KCNN2: variants seen among roughly 807,000 people sequenced by gnomAD.
KCNN2 encodes potassium calcium-activated channel subfamily N member 2, also known as small conductance calcium-activated potassium channel protein 2.
Under a neutral mutation model 55.5 loss-of-function variants are expected in KCNN2, and 24 were observed. The observed-to-expected ratio is 0.43, with a 90% CI of 0.31 to 0.61. The LOEUF (loss-of-function observed/expected upper bound fraction) is 0.61, where lower values mean the gene tolerates loss of function less well. KCNN2 is among the 20% of genes least tolerant of loss of function. The pLI is 0.08. For missense variants in KCNN2, 754 were observed against 853.6 expected (o/e 0.88, Z 1.45); for synonymous variants, 431 against 336.1 (o/e 1.28, Z -3.09).
chr5:114,322,817 T>C (rs1309651978), intron 2 of KCNN2, among the ~76,000 whole-genome samples: 2 of 152,216 alleles, frequency 1.3e-5, no homozygotes, highest in Non-Finnish European at 2.9e-5. Context: ...CTTTTTTAAC[T>C]TTTATTATAG....
chr5:114,277,194 G>A (rs1214841335), intron 2 of KCNN2, among the ~76,000 whole-genome samples: 3 of 152,118 alleles, frequency 2.0e-5, no homozygotes, highest in African/African-American at 4.8e-5. Context: ...TAGGGTTTCT[G>A]CAGAGAGATC....
intron 3 of KCNN2, among the ~76,000 whole-genome samples, chr5:114,460,390 A>G (rs1761137447): frequency 6.6e-6 from 1 of 152,020 alleles, no homozygotes; most frequent in Non-Finnish European, 1.5e-5. Context: ...CTATCGGCTT[A>G]CACTACCATA....
At chr5:114,232,458 T>C (rs1754381838) in intron 2 of KCNN2, among the ~76,000 whole-genome samples, 1 of 151,108 alleles carries the variant, frequency 6.6e-6, no homozygotes, top group Non-Finnish European at 1.5e-5. Flanking sequence ...AGGTTTGCGT[T>C]TTGCCTTCCA....
chr5:114,424,253 T>C (rs931229209), intron 3 of KCNN2, among the ~76,000 whole-genome samples: 3 of 152,212 alleles, frequency 2.0e-5, no homozygotes, highest in Non-Finnish European at 4.4e-5. Flanking sequence ...GTTCTTTCAC[T>C]AATGCTCTGA....
chr5:114,089,346 C>G (rs1341379579), intron 1 of KCNN2, among the ~76,000 whole-genome samples: 1 of 152,042 alleles, frequency 6.6e-6, no homozygotes, highest in Admixed American at 6.6e-5. Flanking sequence ...CGGCTTAGTC[C>G]TATTCCTAAG....
At chr5:114,121,858 G>A (rs1434071615) in intron 1 of KCNN2, among the ~76,000 whole-genome samples, 1 of 152,194 alleles carries the variant, frequency 6.6e-6, no homozygotes, top group African/African-American at 2.4e-5. Flanking sequence ...GTGTGTGGAA[G>A]GCAACAGTGT....
chr5:114,080,308 C>T (rs1750783098), intron 1 of KCNN2, among the ~76,000 whole-genome samples: 1 of 152,138 alleles, frequency 6.6e-6, no homozygotes, highest in African/African-American at 2.4e-5. Flanking sequence ...CCAGGGAATC[C>T]TAGCTTTACA....
At chr5:114,165,172 G>A (rs1007695129) in intron 1 of KCNN2, among the ~76,000 whole-genome samples, 1 of 152,128 alleles carries the variant, frequency 6.6e-6, no homozygotes, top group Admixed American at 6.6e-5. Flanking sequence ...TACATGTGGA[G>A]TTTTTTCAAT....
intron 2 of KCNN2, among the ~76,000 whole-genome samples, chr5:114,252,542 G>A (rs553443931): frequency 6.6e-5 from 10 of 152,212 alleles, no homozygotes; most frequent in Admixed American, 6.5e-4. Context: ...GCTTGCAGTG[G>A]AGGGGAAAGA....
intron 1 of KCNN2, among the ~76,000 whole-genome samples, chr5:114,185,770 C>T (rs1753318328): frequency 1.3e-5 from 2 of 152,104 alleles, no homozygotes; most frequent in South Asian, 4.1e-4. Flanking sequence ...CATGATTGCT[C>T]AGAATTCAAG....
At position 114,487,694 on chromosome 5, in the gene KCNN2, G is replaced by A. The variant is rs554312128; in HGVS notation, c.2018+517G>A. ...ACCACTATTATGGTTTAAGTCCTTC[G>A]TTCTGTTCCATTGTTATATAATTAG... On this transcript the variant is annotated intron_variant, in intron 6 of 7. Coordinates refer to ENST00000673685, the MANE Select transcript of KCNN2 (RefSeq NM_021614.4). Among the ~76,000 whole-genome samples the A allele has an allele frequency of 5.9e-5, 9 of 151,978 alleles. No homozygotes were observed. In the East Asian group the frequency reaches 1.5e-3, roughly 26 times the overall value.
chr5:114,443,902 G>A (rs1490912431), intron 3 of KCNN2, among the ~76,000 whole-genome samples: 1 of 152,200 alleles, frequency 6.6e-6, no homozygotes, highest in Non-Finnish European at 1.5e-5. Context: ...CAGGAAAGGT[G>A]GGTTGGGACC....
At chr5:114,198,482 ACAC>A (rs1753605782) in intron 1 of KCNN2, among the ~76,000 whole-genome samples, 1 of 151,070 alleles carries the variant, frequency 6.6e-6, no homozygotes, top group Admixed American at 6.6e-5. Context: ...ACACACACAC[ACAC>A]ATTTTCTTTA....
At chr5:114,158,629 C>G (rs983356219) in intron 1 of KCNN2, among the ~76,000 whole-genome samples, 1 of 151,616 alleles carries the variant, frequency 6.6e-6, no homozygotes, top group South Asian at 2.1e-4. Context: ...TTCTTCCTAC[C>G]CATGAGCATG....
chr5:114,065,456 G>C (rs2112516754), intron 1 of KCNN2, among the ~76,000 whole-genome samples: 1 of 152,290 alleles, frequency 6.6e-6, no homozygotes, highest in East Asian at 1.9e-4. Flanking sequence ...TGATTTTTTT[G>C]TGTGCTTTAA....
intron 1 of KCNN2, among the ~76,000 whole-genome samples, chr5:114,180,022 C>T (rs552216423): frequency 2.6e-5 from 4 of 152,150 alleles, no homozygotes; most frequent in Non-Finnish European, 5.9e-5. Context: ...AACATGACTT[C>T]TATAGGTCAA....
intron 1 of KCNN2, among the ~76,000 whole-genome samples, chr5:114,209,015 C>G (rs1016792505): frequency 6.6e-6 from 1 of 151,542 alleles, no homozygotes; most frequent in Admixed American, 6.6e-5. Flanking sequence ...CACTCCTTAT[C>G]TTTCTTAGCC....
intron 7 of KCNN2, 120 bp from the exon 8 acceptor site, chr5:114,495,775 A>G (rs1748084115): frequency 2.3e-6 from 2 of 852,960 alleles, no homozygotes; most frequent in Admixed American, 2.3e-5. Context: ...CTGTTCAGTT[A>G]GCTGACACCC....
intron 1 of KCNN2, among the ~76,000 whole-genome samples, chr5:114,202,017 C>T (rs1230260264): frequency 1.3e-5 from 2 of 152,148 alleles, no homozygotes; most frequent in African/African-American, 4.8e-5. Flanking sequence ...ATGTCTCAGT[C>T]TCAACGACAG....
Sources: gnomAD v4.1 joint callset for allele counts (sites outside exome capture counted in the v4.1 genomes callset) on GRCh38, gnomAD v4.1.1 for gene constraint, MANE v1.5 for transcripts, NCBI Gene and HGNC (gene_info 2026-07-23, HGNC 2026-07-21) for gene names.